PTPDC1: variants seen among roughly 807,000 people sequenced by gnomAD.
PTPDC1 encodes protein tyrosine phosphatase domain containing 1.
PTPDC1 carries 53 observed loss-of-function variants against 75.3 expected under a neutral mutation model. The observed-to-expected ratio is 0.70, with a 90% confidence interval of 0.56 to 0.88. The LOEUF (loss-of-function observed/expected upper bound fraction) is 0.88, where lower values mean the gene tolerates loss of function less well. PTPDC1 is among the 40% of genes least tolerant of loss of function. PTPDC1 has a pLI of 0.00. For synonymous variants in PTPDC1, 349 were observed against 366.2 expected, an observed-to-expected ratio of 0.95 and a Z score of 0.54; for missense variants, 925 against 998.6, an observed-to-expected ratio of 0.93 and a Z score of 0.99.
At chr9:94,046,402 G>A (rs1825600481) in intron 1 of PTPDC1, among the ~76,000 whole-genome samples, 1 of 152,146 alleles carries the variant, frequency 6.6e-6, no homozygotes. Context: ...GTAGCTTGAT[G>A]GGGATGGCAT....
Position 94,097,772 on chromosome 9 carries a change from C to T in PTPDC1, c.1206C>T (p.Asn402=), listed in dbSNP as rs1827660242. The T allele has an allele frequency of 1.2e-6, 2 of 1,614,104 alleles. No homozygotes were observed. Among genetic ancestry groups the T allele is most frequent in the Non-Finnish European group, 8.5e-7 (1 of 1,179,964 alleles). The change falls in exon 6 of 9, where the codon AAC becomes AAT. Residue 402 remains asparagine (N), a synonymous_variant. Transcript: ENST00000620992. ...ACAGTGATGTGTCCAACCCGCCTAA[C>T]CCCACTGCAGTGGCAGCAGATTTTG... ...RHDSDVSNPP[N]PTAVAADFDN...
At chr9:94,049,619 C>T (rs560968573) in intron 1 of PTPDC1, among the ~76,000 whole-genome samples, 3 of 152,282 alleles carry the variant, frequency 2.0e-5, no homozygotes, top group Admixed American at 6.5e-5. Context: ...GTGGGTAACC[C>T]GACCTTTCTC....
rs1826265293 is a variant in PTPDC1, at chr9:94,065,227, T to TGACACCC, written c.82+407_82+413dup. On this transcript the variant is annotated intron_variant, in intron 2 of 9. Coordinates refer to the PTPDC1 transcript ENST00000375360. ...CTCCCATGCCATTTTGCTTTTTATA[T>TGACACCC]GACACCCCAGGCAAGGACAAGTGTC... Among the ~76,000 whole-genome samples the TGACACCC allele has an allele frequency of 2.0e-5, 3 of 152,378 alleles. No individual in the cohort carries two copies. The East Asian group carries it at 5.8e-4, about 29-fold the overall frequency.
intron 1 of PTPDC1, among the ~76,000 whole-genome samples, chr9:94,041,653 T>G (rs1418729309): frequency 1.3e-5 from 2 of 152,220 alleles, no homozygotes; most frequent in African/African-American, 4.8e-5. Context: ...CTCAAATTGT[T>G]TCCACTTTTG....
intron 4 of PTPDC1, among the ~76,000 whole-genome samples, chr9:94,089,994 A>C (rs1827247111): frequency 8.1e-6 from 1 of 123,014 alleles, no homozygotes; most frequent in African/African-American, 3.4e-5. Flanking sequence ...TTGTCAGATG[A>C]GTAGGTTGCA....
At position 94,098,557 on chromosome 9, in the gene PTPDC1, A is replaced by G. The variant is rs1827710046; in HGVS notation, c.1991A>G (p.Lys664Arg). The change falls in exon 6 of 9, where the codon AAA (lysine) becomes AGA (arginine). Residue 664 changes from lysine (K) to arginine (R), a missense_variant. Lys to Arg is a conservative substitution (Grantham distance 26). Coordinates refer to ENST00000620992, the MANE Select transcript of PTPDC1 (RefSeq NM_001253829.2). ...LNESVEKEEL[K>R]RKVEMWQKEL... ...GAATCTGTAGAAAAGGAGGAACTAA[A>G]AAGGAAGGTAGAAATGTGGCAGGTA... The G allele has an allele frequency of 6.2e-7, 1 of 1,613,630 alleles. No individual in the cohort carries two copies. Among genetic ancestry groups the G allele is most frequent in the African/African-American group, 1.3e-5 (1 of 74,932 alleles).
intron 1 of PTPDC1, among the ~76,000 whole-genome samples, chr9:94,045,164 G>A (rs1825555032): frequency 6.6e-6 from 1 of 151,594 alleles, no homozygotes; most frequent in African/African-American, 2.4e-5. Context: ...CCCTACAAAG[G>A]ACGTGAACTC....
chr9:94,104,491 G>T, intron 8 of PTPDC1, 106 bp downstream of exon 8: 1 of 656,984 alleles, frequency 1.5e-6, no homozygotes, highest in Non-Finnish European at 2.6e-6. Context: ...ACATGTATGT[G>T]TATGTTTTCC....
chr9:94,056,761 T>C (rs959027847), intron 1 of PTPDC1, among the ~76,000 whole-genome samples: 2 of 152,196 alleles, frequency 1.3e-5, no homozygotes, highest in Non-Finnish European at 2.9e-5. Context: ...GGACATTCTT[T>C]GTGTTCTACT....
rs752811333 is a variant in PTPDC1, at chr9:94,084,483, G to A, written c.-48G>A. The A allele has an allele frequency of 1.8e-5, 29 of 1,599,070 alleles. No homozygotes were observed. In the Admixed American group the frequency reaches 2.2e-4, roughly 12 times the overall value. ...GCTCTCAGTGAAAGTTCCTCACTGA[G>A]TGAGTGGGGCTGACTCTTCCTGCCT... On this transcript the variant is annotated 5_prime_UTR_variant, in exon 1 of 9. The change creates a new upstream start codon in the 5' untranslated region. Coordinates refer to ENST00000620992, the MANE Select transcript of PTPDC1 (RefSeq NM_001253829.2).
intron 2 of PTPDC1, among the ~76,000 whole-genome samples, chr9:94,072,274 G>C (rs1564020746): frequency 6.6e-6 from 1 of 152,156 alleles, no homozygotes; most frequent in African/African-American, 2.4e-5. Flanking sequence ...GCAAAGTGCT[G>C]GGATTATAGG....
intron 1 of PTPDC1, among the ~76,000 whole-genome samples, chr9:94,032,552 TG>T (rs1214881923): frequency 4.6e-5 from 7 of 152,358 alleles, no homozygotes; most frequent in Non-Finnish European, 7.3e-5. Context: ...CACCCTATCC[TG>T]TGGAACAGCT....
chr9:94,037,712 ATCCTTAATTCCTGCCCCTTTCGG>A (rs973247140), intron 1 of PTPDC1, among the ~76,000 whole-genome samples: 20 of 152,152 alleles, frequency 1.3e-4, no homozygotes, highest in African/African-American at 4.1e-4. Context: ...GCTCCTTTCC[ATCCTTAATTCCTGCCCCTTTCGG>A]TCCTTAATTC....
intron 5 of PTPDC1, among the ~76,000 whole-genome samples, chr9:94,096,166 T>C (rs1564032373): frequency 6.6e-6 from 1 of 152,228 alleles, no homozygotes; most frequent in Non-Finnish European, 1.5e-5. Context: ...AAATTTTCAT[T>C]GTCATCTGAT....
intron 1 of PTPDC1, among the ~76,000 whole-genome samples, chr9:94,055,848 C>T (rs1825916405): frequency 6.6e-6 from 1 of 152,118 alleles, no homozygotes; most frequent in African/African-American, 2.4e-5. Flanking sequence ...AATCACTCTG[C>T]ATGATACTAT....
At position 94,088,297 on chromosome 9, in the gene PTPDC1, C is replaced by T. The variant is rs543521306; in HGVS notation, c.616+34C>T. 5 of 1,607,660 alleles carry T rather than the reference C, an allele frequency of 3.1e-6. No individual in the cohort carries two copies. The African/African-American group carries it at 6.7e-5, about 22-fold the overall frequency. ...CTCCCACCCTCCTCTCATGAATTAT[C>T]AAGGGCAGCACTCAGAGGCTTTTCT... On this transcript the variant is annotated intron_variant, in intron 4 of 8. Coordinates refer to ENST00000620992, the MANE Select transcript of PTPDC1 (RefSeq NM_001253829.2).
intron 1 of PTPDC1, among the ~76,000 whole-genome samples, chr9:94,050,803 C>T (rs1195099824): frequency 6.6e-6 from 1 of 152,198 alleles, no homozygotes; most frequent in Non-Finnish European, 1.5e-5. Context: ...TATGCCCTGC[C>T]CCCAGAGGTG....
chr9:94,055,852 A>G (rs531215914), intron 1 of PTPDC1, among the ~76,000 whole-genome samples: 5 of 152,324 alleles, frequency 3.3e-5, no homozygotes, highest in South Asian at 4.1e-4. Flanking sequence ...ACTCTGCATG[A>G]TACTATAGTA....
chr9:94,098,610 A>G (rs1222996773), intron 6 of PTPDC1, 31 bp downstream of exon 6: 7 of 1,538,252 alleles, frequency 4.6e-6, no homozygotes, highest in South Asian at 4.5e-5. Context: ...AATTATAGAT[A>G]TGTGGGAAAT....
Sources: allele counts gnomAD v4.1 joint callset (sites outside exome capture counted in the v4.1 genomes callset), GRCh38; gene constraint gnomAD v4.1.1; transcripts MANE v1.5; gene names NCBI Gene and HGNC (gene_info 2026-07-23, HGNC 2026-07-21).